The following ZER1 variants were observed in gnomAD, a reference collection of about 807,000 sequenced individuals.
ZER1 encodes the protein protein zer-1 homolog.
A neutral mutation model predicts 78.8 loss-of-function variants in ZER1; 11 were observed. The observed-to-expected ratio is 0.14, with a 90% CI of 0.09 to 0.23. The LOEUF (loss-of-function observed/expected upper bound fraction) is 0.23, where lower values mean the gene tolerates loss of function less well. Among genes scored for constraint, ZER1 ranks in the 10% least tolerant of loss-of-function variants. The probability of loss-of-function intolerance (pLI) is 1.00; values close to 1 mark genes in which losing one functional copy is unlikely to be tolerated. For missense variants in ZER1, 588 were observed against 996.9 expected, an observed-to-expected ratio of 0.59 and a Z score of 5.52; for synonymous variants, 400 against 407.0, an observed-to-expected ratio of 0.98 and a Z score of 0.21.
intron 1 of ZER1, among the ~76,000 whole-genome samples, chr9:128,759,690 G>T (rs1325511634): frequency 6.6e-6 from 1 of 151,990 alleles, no homozygotes; most frequent in East Asian, 2.0e-4. Flanking sequence ...AGCTACTTGG[G>T]AGGCTGAGGC....
At chr9:128,744,722 A>G (rs1589525761) in intron 8 of ZER1, among the ~76,000 whole-genome samples, 1 of 150,842 alleles carries the variant, frequency 6.6e-6, no homozygotes, top group South Asian at 2.1e-4. Context: ...CAGGTGATCC[A>G]CCTGCCTCAG....
In ZER1 at chr9:128,740,679, C is replaced by G. The variant is rs562945702; in HGVS notation, c.1853+93G>C. ...AGGGAAAATGACATTTATAGCAAAC[C>G]TAGGCTAAGAGCAGTTGTGCAACTG... On this transcript the variant is annotated intron_variant, in intron 12 of 15. Transcript: ENST00000291900. The surrounding 1 kb of genome is among the most constrained non-coding windows in gnomAD (Gnocchi z 4.4). 4.4e-6 allele frequency: 3 copies of G among 676,662 alleles called. No individual in the cohort carries two copies. The highest frequency in any genetic ancestry group is 5.1e-5 in the East Asian group (2 of 39,288). The allele number at this position is 676,662 out of a possible 1,614,324, so 41.9% of individuals were successfully genotyped here. A position where few individuals can be genotyped will look rare whatever the true frequency, so the allele number is the denominator to read the frequency against.
At chr9:128,742,493 G>A (rs774964774) in intron 9 of ZER1, 37 bp downstream of exon 9, 1 of 1,610,482 alleles carries the variant, frequency 6.2e-7, no homozygotes. Flanking sequence ...AGAGCAGTGA[G>A]GCTCAGGAGG....
chr9:128,763,919 G>A (rs999574392), intron 1 of ZER1, among the ~76,000 whole-genome samples: 3 of 151,994 alleles, frequency 2.0e-5, no homozygotes, highest in Non-Finnish European at 4.4e-5. Flanking sequence ...CCCGGGAGGC[G>A]GAGGTTGCAG....
At chr9:128,739,366 G>C (rs1444825617) in intron 13 of ZER1, among the ~76,000 whole-genome samples, 4 of 151,834 alleles carry the variant, frequency 2.6e-5, no homozygotes, top group African/African-American at 4.8e-5. Context: ...AACCGGGCGT[G>C]GTGGCGGGTG....
In ZER1 at chr9:128,753,888, G is replaced by T; in HGVS notation, c.230C>A (p.Pro77His). Residue 77 changes from proline to histidine, a missense_variant, in exon 3 of 16, where the codon CCC (proline) becomes CAC (histidine). By Grantham distance (77) the Pro-to-His change is moderately conservative (BLOSUM62 -2). This residue lies in a region of ZER1 where 406 missense variants were observed against 660.1 expected (regional missense o/e 0.62). Transcript: ENST00000291900. The surrounding 1 kb of genome is among the most constrained non-coding windows in gnomAD (Gnocchi z 7.5). ...HESFFSLFSDPRSTRLTRIHL... is the reference protein window; with the variant it reads ...HESFFSLFSDHRSTRLTRIHL... Reference sequence around the variant, plus strand: ...GATCCGCGTGAGGCGGGTGCTGCGGGGGTCCGAAAAGAGGCTGAAGAAGCT... The same window carrying T: ...GATCCGCGTGAGGCGGGTGCTGCGGTGGTCCGAAAAGAGGCTGAAGAAGCT... 1 of 1,600,934 alleles carries T rather than the reference G, an allele frequency of 6.2e-7. No homozygotes were observed. The highest frequency in any genetic ancestry group is 1.1e-5 in the South Asian group (1 of 88,788).
Position 128,730,240 on chromosome 9 carries a change from G to T in ZER1, c.*1097C>A, listed in dbSNP as rs888758909. 2.2e-4 allele frequency: 33 copies of T among 153,074 alleles called. No individual in the cohort carries two copies. Among genetic ancestry groups the T allele is most frequent in the Non-Finnish European group, 1.6e-4 (11 of 68,386 alleles). The allele number at this position is 153,074 out of a possible 1,614,324, so 9.5% of individuals were successfully genotyped here. A position where few individuals can be genotyped will look rare whatever the true frequency, so the allele number is the denominator to read the frequency against. Reference sequence around the variant, plus strand: ...GAGCAAGAGAGCCGGCGCCTCTCAGGCTTCCAAGGTAAAGCCTAGGGCAGG... The same window carrying T: ...GAGCAAGAGAGCCGGCGCCTCTCAGTCTTCCAAGGTAAAGCCTAGGGCAGG... On this transcript the variant is annotated 3_prime_UTR_variant, in exon 16 of 16. Coordinates refer to ENST00000291900, the MANE Select transcript of ZER1 (RefSeq NM_006336.4).
In ZER1 at chr9:128,741,760, T is replaced by C. The variant is rs776648742; in HGVS notation, c.1617+40A>G. 4 of 1,613,384 alleles carry C rather than the reference T, an allele frequency of 2.5e-6. No homozygotes were observed. In the South Asian group the frequency reaches 4.4e-5, roughly 18 times the overall value. ...GGGGCAGCCCAGGCCCCTTGCGAGG[T>C]GGGGAAAGGGTAGCGTGGCTTCGTG... is the stretch of plus-strand genomic sequence containing the variant. On this transcript the variant is annotated intron_variant, in intron 10 of 15. Coordinates refer to ENST00000291900, the MANE Select transcript of ZER1 (RefSeq NM_006336.4).
At chr9:128,756,339 G>C (rs903701261) in intron 1 of ZER1, among the ~76,000 whole-genome samples, 1 of 152,136 alleles carries the variant, frequency 6.6e-6, no homozygotes, top group Non-Finnish European at 1.5e-5. Context: ...CCAGCTACTC[G>C]GGAGGCTGAG....
chr9:128,736,110 G>A (rs956357096), intron 13 of ZER1, among the ~76,000 whole-genome samples: 8 of 150,778 alleles, frequency 5.3e-5, no homozygotes, highest in African/African-American at 1.2e-4. Flanking sequence ...CACCAAACCC[G>A]GCTAATTTTT....
At chr9:128,738,108 G>A (rs1016410034) in intron 13 of ZER1, among the ~76,000 whole-genome samples, 6 of 149,444 alleles carry the variant, frequency 4.0e-5, no homozygotes, top group South Asian at 4.2e-4. Flanking sequence ...GCAGTGGCGC[G>A]ATCTTGGCTA....
chr9:128,742,888 C>G, intron 8 of ZER1, 143 bp from the exon 9 acceptor site: 1 of 775,868 alleles, frequency 1.3e-6, no homozygotes. Flanking sequence ...TACAAGTCTT[C>G]TCTAAAAAAT....
chr9:128,738,838 C>T (rs1193877934), intron 13 of ZER1, among the ~76,000 whole-genome samples: 2 of 142,968 alleles, frequency 1.4e-5, no homozygotes, highest in Non-Finnish European at 3.0e-5. Context: ...TGCACCATCA[C>T]ACCCAGCTCA....
chr9:128,742,552 A>G lies in ZER1; in HGVS notation c.1553T>C (p.Val518Ala). The G allele has an allele frequency of 1.2e-6, 2 of 1,614,172 alleles. No homozygotes were observed. Among genetic ancestry groups the G allele is most frequent in the Non-Finnish European group, 1.7e-6 (2 of 1,180,042 alleles). Residue 518 changes from valine to alanine, a missense_variant, in exon 9 of 16, where the codon GTG becomes GCG. Coordinates refer to ENST00000291900, the MANE Select transcript of ZER1 (RefSeq NM_006336.4). ...CQVDNDHKEA[V>A]GKMGFVVTML... ...TACCACGACAAAGCCCATCTTGCCC[A>G]CGGCCTCCTTGTGGTCGTTGTCTAC...
Position 128,742,694 on chromosome 9 carries a change from G to T in ZER1, c.1411C>A (p.Leu471Met). The change falls in exon 9 of 16, where the codon CTG becomes ATG. Residue 471 changes from leucine (L) to methionine (M), a missense_variant. Physicochemically the swap from Leu to Met is conservative, Grantham distance 15. Coordinates refer to ENST00000291900, the MANE Select transcript of ZER1 (RefSeq NM_006336.4). ...TTGACCCGGCGGTACTGGAATTCCA[G>T]CTCCTCGGGGATGCTGAAGTTGCAG... is the stretch of plus-strand genomic sequence containing the variant. ...TLCNFSIPEELEFQYRRVNEL... is the reference protein window; with the variant it reads ...TLCNFSIPEEMEFQYRRVNEL... 6.2e-7 allele frequency: 1 copy of T among 1,614,010 alleles called. No individual in the cohort carries two copies. The highest frequency in any genetic ancestry group is 8.5e-7 in the Non-Finnish European group (1 of 1,179,960).
At chr9:128,771,329 C>T (rs1052114024) in intron 1 of ZER1, among the ~76,000 whole-genome samples, 2 of 152,206 alleles carry the variant, frequency 1.3e-5, no homozygotes, top group Non-Finnish European at 2.9e-5. Flanking sequence ...GAGGGTGGCC[C>T]TTTCAGCCCT....
rs1864125604 is a variant in ZER1 at position 128,763,909 on chromosome 9, C to T, written c.-95+7672G>A. 2.6e-5 allele frequency among the ~76,000 whole-genome samples: 4 copies of T among 152,056 alleles called. No individual in the cohort carries two copies. The South Asian group carries it at 8.3e-4, about 32-fold the overall frequency. ...GGCTGAGGCAGGAGAATTGCTTGAACCCGGGAGGCGGAGGTTGCAGTGAGC... is the reference window on the plus strand; with the variant it reads ...GGCTGAGGCAGGAGAATTGCTTGAATCCGGGAGGCGGAGGTTGCAGTGAGC... On this transcript the variant is annotated intron_variant, in intron 1 of 15. Coordinates refer to ENST00000291900, the MANE Select transcript of ZER1 (RefSeq NM_006336.4).
rs1172461400 is a variant in ZER1 at position 128,752,723 on chromosome 9, G to A, written c.873C>T (p.Ile291=). 1 of 1,614,120 alleles carries A rather than the reference G, an allele frequency of 6.2e-7. No individual in the cohort carries two copies. The highest frequency in any genetic ancestry group is 1.1e-5 in the South Asian group (1 of 91,070). Residue 291 remains isoleucine, a synonymous_variant, in exon 5 of 16, where the codon ATC becomes ATT. Transcript: ENST00000291900. ...TCTTGGAGATGCTGCAGTTCTCTAG[G>A]ATCATGTGGCCAGAGATGTCCAGGG... The part of the protein sequence containing the change: ...LMSLDISGHM[I]LENCSISKME...
chr9:128,742,926 C>G (rs1057458064), intron 8 of ZER1, among the ~76,000 whole-genome samples, 181 bp from the exon 9 acceptor site: 2 of 152,166 alleles, frequency 1.3e-5, no homozygotes, highest in Admixed American at 6.5e-5. Context: ...AATATTCATA[C>G]AGAAGAATGC....
Sources: gnomAD v4.1 joint callset for allele counts (sites outside exome capture counted in the v4.1 genomes callset) on GRCh38, gnomAD v4.1.1 for gene constraint, gnomAD v4.1.1 regional missense constraint, Gnocchi (gnomAD v3.1) non-coding constraint, MANE v1.5 for transcripts, NCBI Gene and HGNC (gene_info 2026-07-23, HGNC 2026-07-21) for gene names.